TRIO: variants seen among roughly 807,000 people sequenced by gnomAD.
The protein encoded by TRIO is trio Rho guanine nucleotide exchange factor.
In TRIO, 58 loss-of-function variants were observed where a neutral mutation model predicts 351.9. The ratio of observed to expected loss-of-function variants is 0.16; its 90% CI spans 0.13 to 0.21. TRIO has a LOEUF of 0.21. Ranked by LOEUF, TRIO falls within the 10% of genes least tolerant of loss-of-function variation. The pLI is 1.00. For synonymous variants in TRIO, 1,758 were observed against 1,595.7 expected, an observed-to-expected ratio of 1.10 and a Z score of -2.42; for missense variants, 3,201 against 4,027.8, an observed-to-expected ratio of 0.79 and a Z score of 5.56.
rs2014176 is a variant in TRIO, at chr5:14,406,190, G to A, written c.4859+200G>A. On this transcript the variant is annotated intron_variant, in intron 32 of 56. Coordinates refer to ENST00000344204, the MANE Select transcript of TRIO (RefSeq NM_007118.4). ...GAGCCTCTATTGGCTTAGAGTAAAC[G>A]AAGGGCTGTGTGCAAACCTCTCATT... The A allele has an allele frequency of 3.3e-3, 2,637 of 789,542 alleles. 39 individuals carry two copies. In the African/African-American group the frequency reaches 0.04, roughly 12 times the overall value. The allele number at this position is 789,542 out of a possible 1,614,324, so 48.9% of individuals were successfully genotyped here.
rs76515933 is a variant in TRIO, at chr5:14,390,790, C to T, written c.4129-111C>T. On this transcript the variant is annotated intron_variant, in intron 26 of 56. Transcript: ENST00000344204. ...CTTTCTTTTTAAAATAGAGTCTCTTCAACTCGAGGCTTAAATTTCCGTTAT... is the reference window on the plus strand; with the variant it reads ...CTTTCTTTTTAAAATAGAGTCTCTTTAACTCGAGGCTTAAATTTCCGTTAT... 864 of 826,410 alleles carry T rather than the reference C, an allele frequency of 1.0e-3. 15 individuals carry two copies. The East Asian group carries it at 0.021, about 20-fold the overall frequency. The allele number at this position is 826,410 out of a possible 1,614,324, so 51.2% of individuals were successfully genotyped here.
At chr5:14,273,464 G>A (rs1735213842) in intron 2 of TRIO, among the ~76,000 whole-genome samples, 1 of 152,226 alleles carries the variant, frequency 6.6e-6, no homozygotes, top group African/African-American at 2.4e-5. Context: ...CTGACTTTGT[G>A]TTTGAAGTCA....
chr5:14,323,574 A>G (rs1740093604), intron 9 of TRIO, among the ~76,000 whole-genome samples: 2 of 152,326 alleles, frequency 1.3e-5, no homozygotes, highest in South Asian at 2.1e-4. Context: ...AGGGAAAAGG[A>G]GCTCCCATGA....
At chr5:14,299,167 A>T (rs1221240571) in intron 7 of TRIO, among the ~76,000 whole-genome samples, 1 of 152,232 alleles carries the variant, frequency 6.6e-6, no homozygotes, top group African/African-American at 2.4e-5. Flanking sequence ...GTGTTTTATT[A>T]TAAAAAATTT....
rs146093678 is a variant in TRIO, at chr5:14,368,962, G to A, written c.3066+63G>A. The A allele has an allele frequency of 8.1e-3, 12,471 of 1,532,048 alleles. 73 individuals carry two copies. Among genetic ancestry groups the A allele is most frequent in the Non-Finnish European group, 9.8e-3 (10,990 of 1,123,352 alleles). 94.9% of individuals were successfully genotyped at this position (1,532,048 alleles called of 1,614,324 possible). On this transcript the variant is annotated intron_variant, in intron 17 of 56. Transcript: ENST00000344204. ...ACTTTATTTTGAGCTTAATTTATTG[G>A]ACAGCTCAATCATTGTTAACATGTT...
intron 1 of TRIO, among the ~76,000 whole-genome samples, chr5:14,220,326 C>T (rs1365737088): frequency 6.6e-6 from 1 of 152,112 alleles, no homozygotes; most frequent in Admixed American, 6.5e-5. Flanking sequence ...TCTGACTGCT[C>T]CATTGACCAG....
At chr5:14,148,372 T>C (rs1253802539) in intron 1 of TRIO, among the ~76,000 whole-genome samples, 1 of 152,224 alleles carries the variant, frequency 6.6e-6, no homozygotes, top group Non-Finnish European at 1.5e-5. Context: ...AAGTCAGCTG[T>C]ATTCAATATT....
intron 1 of TRIO, among the ~76,000 whole-genome samples, chr5:14,151,627 G>C (rs927948385): frequency 2.6e-5 from 4 of 152,204 alleles, no homozygotes; most frequent in Non-Finnish European, 4.4e-5. Context: ...ATTTGAAAAT[G>C]ATGTGCATAT....
chr5:14,202,995 A>T (rs1407825635), intron 1 of TRIO, among the ~76,000 whole-genome samples: 2 of 152,142 alleles, frequency 1.3e-5, no homozygotes, highest in Non-Finnish European at 2.9e-5. Flanking sequence ...ACCTACAGTC[A>T]TGAGAAATGA....
intron 1 of TRIO, among the ~76,000 whole-genome samples, chr5:14,267,764 G>T (rs1256565094): frequency 6.7e-6 from 1 of 149,812 alleles, no homozygotes; most frequent in Non-Finnish European, 1.5e-5. Context: ...TTTGCTTATT[G>T]GTTTTTTTTT....
intron 1 of TRIO, among the ~76,000 whole-genome samples, chr5:14,254,139 A>G (rs1223560352): frequency 2.0e-5 from 3 of 152,216 alleles, no homozygotes; most frequent in Non-Finnish European, 4.4e-5. Flanking sequence ...AGTAATAAAT[A>G]GAACCCACGT....
At chr5:14,148,419 A>G (rs1241940051) in intron 1 of TRIO, among the ~76,000 whole-genome samples, 3 of 152,202 alleles carry the variant, frequency 2.0e-5, no homozygotes, top group Non-Finnish European at 4.4e-5. Context: ...AGAAAATAAA[A>G]TTTTATCTCA....
intron 34 of TRIO, among the ~76,000 whole-genome samples, chr5:14,438,806 A>G (rs1561491479): frequency 6.6e-6 from 1 of 152,200 alleles, no homozygotes; most frequent in African/African-American, 2.4e-5. Flanking sequence ...GTTTCTGTCT[A>G]GTGGCTCAGG....
At chr5:14,456,985 C>T (rs995379076) in intron 34 of TRIO, among the ~76,000 whole-genome samples, 17 of 152,066 alleles carry the variant, frequency 1.1e-4, no homozygotes, top group African/African-American at 4.1e-4. Flanking sequence ...CTGTTACATT[C>T]CATTGATTTA....
chr5:14,467,439 C>G (rs27360), intron 37 of TRIO, among the ~76,000 whole-genome samples: 35,570 of 151,974 alleles, frequency 0.23, 4,459 homozygotes, highest in African/African-American at 0.32. Context: ...GTGTGGTGTT[C>G]CGGAGAAGAC....
chr5:14,467,384 T>A (rs1158219168), intron 37 of TRIO, among the ~76,000 whole-genome samples: 1 of 152,184 alleles, frequency 6.6e-6, no homozygotes, highest in East Asian at 1.9e-4. Flanking sequence ...AAATTTGGAC[T>A]GACGTGTCAC....
intron 1 of TRIO, among the ~76,000 whole-genome samples, chr5:14,161,174 G>T (rs1354262383): frequency 6.6e-6 from 1 of 152,140 alleles, no homozygotes; most frequent in African/African-American, 2.4e-5. Flanking sequence ...CAAAGTGCTG[G>T]GATTACAGGT....
At chr5:14,404,176 G>T (rs1270045860) in intron 31 of TRIO, among the ~76,000 whole-genome samples, 2 of 151,874 alleles carry the variant, frequency 1.3e-5, no homozygotes, top group South Asian at 2.1e-4. Context: ...GGGAATGGTG[G>T]TAGTGGCGAT....
At chr5:14,452,998 T>C (rs1752952270) in intron 34 of TRIO, among the ~76,000 whole-genome samples, 1 of 152,188 alleles carries the variant, frequency 6.6e-6, no homozygotes, top group South Asian at 2.1e-4. Context: ...GTTTTGTGTG[T>C]TCACATGGTG....
Sources: gnomAD v4.1 joint callset for allele counts (sites outside exome capture counted in the v4.1 genomes callset) on GRCh38, gnomAD v4.1.1 for gene constraint, MANE v1.5 for transcripts, NCBI Gene and HGNC (gene_info 2026-07-23, HGNC 2026-07-21) for gene names.